PCDH9: variants seen among roughly 807,000 people sequenced by gnomAD.
The protein encoded by PCDH9 is protocadherin-9.
Under a neutral mutation model 70.6 loss-of-function variants are expected in PCDH9, and 24 were observed. The observed-to-expected ratio is 0.34, with a 90% CI of 0.25 to 0.48. The LOEUF is 0.48. Among genes scored for constraint, PCDH9 ranks in the 20% least tolerant of loss-of-function variants. PCDH9 has a pLI of 0.99. For missense variants in PCDH9, 1,281 were observed against 1,503.6 expected (o/e 0.85, Z 2.45); for synonymous variants, 562 against 558.5 (o/e 1.01, Z -0.09).
At position 66,700,119 on chromosome 13, in the gene PCDH9, G is replaced by T. The variant is rs191707177; in HGVS notation, c.3139-68708C>A. Among the ~76,000 whole-genome samples the T allele has an allele frequency of 2.9e-3, 446 of 152,194 alleles. 1 individual carries two copies. Among genetic ancestry groups the T allele is most frequent in the African/African-American group, 0.01 (426 of 41,524 alleles). ...GCTGTGATGCAAGGAACTAGTTAAC[G>T]TGCACCTACTGTAGCAAACCCCGGC... On this transcript the variant is annotated intron_variant, in intron 3 of 4. Coordinates refer to ENST00000377865, the MANE Select transcript of PCDH9 (RefSeq NM_203487.3).
intron 4 of PCDH9, among the ~76,000 whole-genome samples, chr13:66,433,591 G>A (rs910736660): frequency 1.3e-5 from 2 of 150,738 alleles, no homozygotes; most frequent in African/African-American, 4.9e-5. Flanking sequence ...ATATTAAAGT[G>A]TATATTTTAA....
chr13:66,324,725 T>C (rs1955812419), intron 4 of PCDH9, among the ~76,000 whole-genome samples: 1 of 151,974 alleles, frequency 6.6e-6, no homozygotes, highest in Non-Finnish European at 1.5e-5. Context: ...AAGTTTAGTT[T>C]CCTAAGCAAG....
At chr13:67,188,172 A>G (rs1481280395) in intron 2 of PCDH9, among the ~76,000 whole-genome samples, 1 of 152,158 alleles carries the variant, frequency 6.6e-6, no homozygotes, top group Non-Finnish European at 1.5e-5. Context: ...TCATATGCTT[A>G]TCATGCGAAT....
intron 3 of PCDH9, among the ~76,000 whole-genome samples, chr13:66,861,551 C>G (rs1420882726): frequency 6.6e-6 from 1 of 152,052 alleles, no homozygotes; most frequent in Non-Finnish European, 1.5e-5. Context: ...CTGATGTTAA[C>G]ATTTGAAGGG....
At chr13:67,064,583 A>C (rs1480910307) in intron 2 of PCDH9, among the ~76,000 whole-genome samples, 2 of 152,190 alleles carry the variant, frequency 1.3e-5, no homozygotes, top group African/African-American at 2.4e-5. Flanking sequence ...TCCTTGTAGA[A>C]TATGATTCTG....
At chr13:67,115,362 G>A (rs574986918) in intron 2 of PCDH9, among the ~76,000 whole-genome samples, 4 of 152,324 alleles carry the variant, frequency 2.6e-5, no homozygotes, top group Admixed American at 6.5e-5. Flanking sequence ...ATACAGGGAT[G>A]CTTTGCATGT....
chr13:66,866,279 G>A (rs1454070191), intron 3 of PCDH9, among the ~76,000 whole-genome samples: 2 of 151,264 alleles, frequency 1.3e-5, no homozygotes, highest in African/African-American at 4.9e-5. Context: ...TCAGGAGATA[G>A]AGACCATCCT....
At position 66,304,919 on chromosome 13, in the gene PCDH9, T is replaced by G; in HGVS notation, c.3450A>C (p.Pro1150=). ...AGAGAGGAGATTTGGGGTGTTGATA[T>G]GGACCCAAGCCAGGAGGCATCCAGC... The part of the protein sequence containing the change: ...DNCWMPPGLG[P]YQHPKSPLST... Residue 1150 remains proline, a synonymous_variant, in exon 5 of 5, where the codon CCA becomes CCC. Coordinates refer to ENST00000377865, the MANE Select transcript of PCDH9 (RefSeq NM_203487.3). 1 of 1,613,560 alleles carries G rather than the reference T, an allele frequency of 6.2e-7. No homozygotes were observed. Among genetic ancestry groups the G allele is most frequent in the South Asian group, 1.1e-5 (1 of 91,068 alleles).
At chr13:67,127,732 A>AT (rs2087015751) in intron 2 of PCDH9, among the ~76,000 whole-genome samples, 1 of 150,006 alleles carries the variant, frequency 6.7e-6, no homozygotes, top group Admixed American at 6.7e-5. Context: ...GTATATATAT[A>AT]TTTTTTTCTT....
chr13:66,949,591 C>T (rs1239104469), intron 2 of PCDH9, among the ~76,000 whole-genome samples: 2 of 151,898 alleles, frequency 1.3e-5, no homozygotes, highest in Non-Finnish European at 2.9e-5. Context: ...CTTTAGAATT[C>T]GTTCCTCTGC....
At chr13:67,095,344 A>C (rs986645381) in intron 2 of PCDH9, among the ~76,000 whole-genome samples, 2 of 152,198 alleles carry the variant, frequency 1.3e-5, no homozygotes, top group Non-Finnish European at 2.9e-5. Flanking sequence ...ATTTAAAGTC[A>C]TAGAATATCT....
intron 2 of PCDH9, among the ~76,000 whole-genome samples, chr13:67,097,948 GTTATAAAATTA>G (rs2086357139): frequency 6.6e-6 from 1 of 152,244 alleles, no homozygotes; most frequent in East Asian, 1.9e-4. Context: ...TAAATAAAAA[GTTATAAAATTA>G]ATATTGCAGA....
chr13:66,367,099 G>T (rs1043196924), intron 4 of PCDH9, among the ~76,000 whole-genome samples: 2 of 151,866 alleles, frequency 1.3e-5, no homozygotes, highest in African/African-American at 4.8e-5. Flanking sequence ...TAATTTATTT[G>T]TACATTTACT....
At chr13:66,432,344 G>A (rs566679927) in intron 4 of PCDH9, among the ~76,000 whole-genome samples, 46 of 152,018 alleles carry the variant, frequency 3.0e-4, no homozygotes, top group African/African-American at 1.1e-3. Context: ...GCAACATGAC[G>A]TCTGAGCCTT....
At chr13:66,460,576 C>A (rs1402091795) in intron 4 of PCDH9, among the ~76,000 whole-genome samples, 1 of 151,870 alleles carries the variant, frequency 6.6e-6, no homozygotes, top group East Asian at 1.9e-4. Flanking sequence ...CTCACAGGGA[C>A]TGCAAAGCAT....
At chr13:67,123,539 T>C (rs1172711791) in intron 2 of PCDH9, among the ~76,000 whole-genome samples, 2 of 152,222 alleles carry the variant, frequency 1.3e-5, no homozygotes, top group African/African-American at 2.4e-5. Flanking sequence ...TTTACTCAGA[T>C]ATATGTCTTA....
At chr13:67,130,194 A>G (rs1207072967) in intron 2 of PCDH9, among the ~76,000 whole-genome samples, 1 of 152,200 alleles carries the variant, frequency 6.6e-6, no homozygotes, top group Non-Finnish European at 1.5e-5. Flanking sequence ...ACAAAGAAAC[A>G]GGAGATAGAT....
At chr13:66,929,142 A>G (rs913487770) in intron 2 of PCDH9, among the ~76,000 whole-genome samples, 10 of 152,124 alleles carry the variant, frequency 6.6e-5, no homozygotes, top group African/African-American at 2.4e-4. Flanking sequence ...ACACAAAAAC[A>G]TAGAAACTTA....
chr13:66,398,658 A>T (rs1217346702), intron 4 of PCDH9, among the ~76,000 whole-genome samples: 2 of 152,196 alleles, frequency 1.3e-5, no homozygotes, highest in Non-Finnish European at 2.9e-5. Flanking sequence ...GTACCTATTT[A>T]GAAAAGTTAA....
Sources: gnomAD v4.1 joint callset for allele counts (sites outside exome capture counted in the v4.1 genomes callset) on GRCh38, gnomAD v4.1.1 for gene constraint, MANE v1.5 for transcripts, NCBI Gene and HGNC (gene_info 2026-07-23, HGNC 2026-07-21) for gene names.